Variants in PGPEP1 observed in about 807,000 individuals in gnomAD.
PGPEP1 encodes pyroglutamyl-peptidase I.
A neutral mutation model predicts 24.1 loss-of-function variants in PGPEP1; 15 were observed. The observed-to-expected ratio is 0.62, with a 90% CI of 0.42 to 0.96. The LOEUF (loss-of-function observed/expected upper bound fraction) is 0.96. Among genes scored for constraint, PGPEP1 ranks in the 40% least tolerant of loss-of-function variants. The pLI, the probability that PGPEP1 is intolerant of heterozygous loss-of-function variation, is 0.00. For missense variants in PGPEP1, 242 were observed against 273.4 expected, an observed-to-expected ratio of 0.89 and a Z score of 0.81; for synonymous variants, 122 against 116.4, an observed-to-expected ratio of 1.05 and a Z score of -0.31.
rs572909422 is a variant in PGPEP1, at chr19:18,358,316, A to C, written c.437+701A>C. On this transcript the variant is annotated intron_variant, in intron 4 of 4. Transcript: ENST00000269919. ...GCTCTTGTTGCCCAGCCTGGAGTGC[A>C]ATGGCGTGATCTCAGCTCACTGCAA... Among the ~76,000 whole-genome samples, 53 of 138,114 alleles carry C rather than the reference A, an allele frequency of 3.8e-4. 1 individual carries two copies. The highest frequency in any genetic ancestry group is 1.4e-3 in the African/African-American group (51 of 36,128). 90.6% of individuals were successfully genotyped at this position (138,114 alleles called of 152,430 possible). A position where few individuals can be genotyped will look rare whatever the true frequency, so the allele number is the denominator to read the frequency against.
intron 1 of PGPEP1, among the ~76,000 whole-genome samples, chr19:18,341,911 A>ATTTT (rs113532652): frequency 4.8e-5 from 7 of 144,684 alleles, no homozygotes; most frequent in African/African-American, 1.8e-4. Context: ...GATGGACCGT[A>ATTTT]TTTTTTTTTT....
intron 2 of PGPEP1, among the ~76,000 whole-genome samples, chr19:18,348,645 CCAGATACACTGTA>C (rs1175735514): frequency 4.1e-4 from 63 of 152,202 alleles, no homozygotes; most frequent in Non-Finnish European, 7.6e-4. Flanking sequence ...CCTTCTAGTG[CCAGATACACTGTA>C]TGGCAGGTGG....
intron 1 of PGPEP1, 101 bp downstream of exon 1, chr19:18,340,816 T>C (rs1451049813): frequency 1.1e-6 from 1 of 902,276 alleles, no homozygotes. Context: ...GGAAGTCCTC[T>C]CAGATTTGGA....
intron 2 of PGPEP1, among the ~76,000 whole-genome samples, chr19:18,348,763 T>A (rs1018178009): frequency 6.6e-6 from 1 of 152,106 alleles, no homozygotes; most frequent in Admixed American, 6.6e-5. Context: ...TGAGAAACTT[T>A]TTTTTTGTTT....
chr19:18,360,101 A>T (rs1321088279), intron 4 of PGPEP1, among the ~76,000 whole-genome samples: 1 of 151,188 alleles, frequency 6.6e-6, no homozygotes, highest in African/African-American at 2.4e-5. Context: ...ATCTCCTGGG[A>T]TTAAGTGATC....
intron 2 of PGPEP1, among the ~76,000 whole-genome samples, chr19:18,351,867 G>T (rs1300035234): frequency 6.6e-6 from 1 of 151,986 alleles, no homozygotes; most frequent in African/African-American, 2.4e-5. Context: ...GCTCATGCCT[G>T]TAATCCCGGC....
At chr19:18,345,627 A>AT in intron 2 of PGPEP1, among the ~76,000 whole-genome samples, 1 of 151,010 alleles carries the variant, frequency 6.6e-6, no homozygotes, top group Non-Finnish European at 1.5e-5. Flanking sequence ...CGGGAGGCTA[A>AT]TATGGGAGGA....
At chr19:18,348,533 G>A (rs1970928018) in intron 2 of PGPEP1, among the ~76,000 whole-genome samples, 1 of 152,024 alleles carries the variant, frequency 6.6e-6, no homozygotes, top group Non-Finnish European at 1.5e-5. Flanking sequence ...GTGGGACTTG[G>A]GGTGCCCTGC....
At chr19:18,342,595 C>T (rs1241933248) in intron 1 of PGPEP1, among the ~76,000 whole-genome samples, 2 of 152,184 alleles carry the variant, frequency 1.3e-5, no homozygotes, top group African/African-American at 4.8e-5. Context: ...CAGAAGATAC[C>T]TCTGGCCCCT....
At chr19:18,341,844 T>C (rs1434121382) in intron 1 of PGPEP1, among the ~76,000 whole-genome samples, 1 of 151,962 alleles carries the variant, frequency 6.6e-6, no homozygotes, top group Non-Finnish European at 1.5e-5. Context: ...CCCTACCTGC[T>C]ATCCCAGGCT....
intron 4 of PGPEP1, among the ~76,000 whole-genome samples, chr19:18,362,186 C>T (rs1167646616): frequency 6.6e-6 from 1 of 151,968 alleles, no homozygotes; most frequent in African/African-American, 2.4e-5. Context: ...GCAGGCGAAT[C>T]ACTCGAGGTC....
intron 4 of PGPEP1, among the ~76,000 whole-genome samples, chr19:18,358,319 G>A (rs1971249464): frequency 7.1e-6 from 1 of 140,238 alleles, no homozygotes; most frequent in South Asian, 2.2e-4. Context: ...GGAGTGCAAT[G>A]GCGTGATCTC....
chr19:18,357,463 G>A lies in PGPEP1; in HGVS notation c.285G>A (p.Gly95=), dbSNP rs1473202682. The change falls in exon 4 of 5, where the codon GGG becomes GGA. Residue 95 remains glycine, a synonymous_variant. Transcript: ENST00000269919. Reference sequence around the variant, plus strand: ...GTGGACACAACAAGGGCTACAAGGGGCTGGACAACTGCCGCTTTTGCCCCG... The same window carrying A: ...GTGGACACAACAAGGGCTACAAGGGACTGGACAACTGCCGCTTTTGCCCCG... ...EKCGHNKGYK[G]LDNCRFCPGS... 6.2e-7 allele frequency: 1 copy of A among 1,614,030 alleles called. No homozygotes were observed. The highest frequency in any genetic ancestry group is 8.5e-7 in the Non-Finnish European group (1 of 1,179,990).
chr19:18,342,089 A>G (rs1970687115), intron 1 of PGPEP1, among the ~76,000 whole-genome samples: 1 of 152,106 alleles, frequency 6.6e-6, no homozygotes, highest in Non-Finnish European at 1.5e-5. Flanking sequence ...TTGTATTTTT[A>G]GTAGAAACGG....
chr19:18,344,758 A>G (rs2144529753), intron 2 of PGPEP1, among the ~76,000 whole-genome samples: 1 of 152,310 alleles, frequency 6.6e-6, no homozygotes, highest in South Asian at 2.1e-4. Context: ...GGCTTTGTGC[A>G]CATTTCAGAC....
At chr19:18,341,154 G>A (rs1422417075) in intron 1 of PGPEP1, among the ~76,000 whole-genome samples, 1 of 152,186 alleles carries the variant, frequency 6.6e-6, no homozygotes, top group Non-Finnish European at 1.5e-5. Flanking sequence ...GGCAGGAAGT[G>A]TCCCAGTGAC....
chr19:18,357,458 A>G lies in PGPEP1; in HGVS notation c.280A>G (p.Lys94Glu), dbSNP rs1971217111. 6.2e-7 allele frequency: 1 copy of G among 1,614,056 alleles called. No homozygotes were observed. Residue 94 changes from lysine to glutamate, a missense_variant, in exon 4 of 5, where the codon AAG (lysine) becomes GAG (glutamate). Transcript: ENST00000269919. ...GAAATGTGGACACAACAAGGGCTAC[A>G]AGGGGCTGGACAACTGCCGCTTTTG... ...LEKCGHNKGYKGLDNCRFCPG... is the reference protein window; with the variant it reads ...LEKCGHNKGYEGLDNCRFCPG...
Position 18,363,510 on chromosome 19 carries a change from G to A in PGPEP1, c.557G>A (p.Arg186Lys), listed in dbSNP as rs746032222. 1.2e-6 allele frequency: 2 copies of A among 1,614,196 alleles called. No homozygotes were observed. Among genetic ancestry groups the A allele is most frequent in the Admixed American group, 3.3e-5 (2 of 60,010 alleles). Residue 186 changes from arginine to lysine, a missense_variant, in exon 5 of 5, where the codon AGA becomes AAA. Transcript: ENST00000269919. ...GCGGACCAGCTGGGCAGGGCACTGA[G>A]AGCCATCATTGAGGAGATGTTGGAC... Reference protein sequence around the residue: ...YNADQLGRALRAIIEEMLDLL... With the variant: ...YNADQLGRALKAIIEEMLDLL...
chr19:18,353,310 C>A (rs917310073), intron 2 of PGPEP1, among the ~76,000 whole-genome samples: 2 of 151,968 alleles, frequency 1.3e-5, no homozygotes, highest in African/African-American at 2.4e-5. Context: ...CAGCCTCCCC[C>A]TCCCTGGCTC....
Sources: gnomAD v4.1 joint callset for allele counts (sites outside exome capture counted in the v4.1 genomes callset) on GRCh38, gnomAD v4.1.1 for gene constraint, MANE v1.5 for transcripts, NCBI Gene and HGNC (gene_info 2026-07-23, HGNC 2026-07-21) for gene names.